The following PPP3CA variants were observed in gnomAD, a reference collection of about 807,000 sequenced individuals.
The protein encoded by PPP3CA is protein phosphatase 3 catalytic subunit alpha.
PPP3CA carries 14 observed loss-of-function variants against 66.5 expected under a neutral mutation model. That is an observed-to-expected ratio of 0.21 (90% CI 0.14 to 0.33). PPP3CA has a LOEUF of 0.33. Ranked by LOEUF, PPP3CA falls within the 10% of genes least tolerant of loss-of-function variation. The pLI, the probability that PPP3CA is intolerant of heterozygous loss-of-function variation, is 1.00. For missense variants in PPP3CA, 317 were observed against 639.5 expected (o/e 0.50, Z 5.44); for synonymous variants, 232 against 226.2 (o/e 1.03, Z -0.23).
At chr4:101,121,958 T>C (rs556452041) in intron 2 of PPP3CA, among the ~76,000 whole-genome samples, 1 of 152,240 alleles carries the variant, frequency 6.6e-6, no homozygotes, top group Admixed American at 6.5e-5. Flanking sequence ...AAATGTGAAC[T>C]GCTAAAACAG....
rs769123247 is a variant in PPP3CA at position 101,098,391 on chromosome 4, A to C, written c.618T>G (p.Ile206Met). ...LCVHGGLSPE[I>M]NTLDDIRKLD... ...CTTTTCTGATATCATCTAAAGTGTT[A>C]ATCTCTGGAGACAAACCACCATGCA... Residue 206 changes from isoleucine to methionine, a missense_variant, in exon 5 of 14, where the codon ATT becomes ATG. Ile to Met is a conservative substitution (Grantham distance 10, BLOSUM62 1). This residue lies in a region of PPP3CA where 201 missense variants were observed against 501.4 expected (regional missense o/e 0.40). Coordinates refer to ENST00000394854, the MANE Select transcript of PPP3CA (RefSeq NM_000944.5). The C allele has an allele frequency of 1.9e-6, 3 of 1,608,678 alleles. No individual in the cohort carries two copies. Among genetic ancestry groups the C allele is most frequent in the East Asian group, 2.2e-5 (1 of 44,704 alleles).
intron 1 of PPP3CA, among the ~76,000 whole-genome samples, chr4:101,258,227 A>G (rs1350540715): frequency 2.0e-5 from 3 of 152,134 alleles, no homozygotes; most frequent in African/African-American, 7.2e-5. Flanking sequence ...GGAAAACATC[A>G]CGAAGAAAGT....
chr4:101,249,792 G>A (rs1726614185), intron 1 of PPP3CA, among the ~76,000 whole-genome samples: 1 of 152,036 alleles, frequency 6.6e-6, no homozygotes, highest in Non-Finnish European at 1.5e-5. Context: ...ATTATATCAT[G>A]TTTTAATATG....
chr4:101,118,479 C>G (rs1156412602), intron 2 of PPP3CA, among the ~76,000 whole-genome samples: 2 of 148,358 alleles, frequency 1.3e-5, no homozygotes, highest in African/African-American at 2.6e-5. Flanking sequence ...CACTTATTAT[C>G]ACAAGGGTTT....
intron 1 of PPP3CA, among the ~76,000 whole-genome samples, chr4:101,337,733 T>C (rs1729678322): frequency 6.6e-6 from 1 of 152,242 alleles, no homozygotes; most frequent in Admixed American, 6.5e-5. Flanking sequence ...TGGCTTTCTT[T>C]AACCAGAAGT....
chr4:101,107,637 C>G (rs1286696242), intron 3 of PPP3CA, among the ~76,000 whole-genome samples: 2 of 152,186 alleles, frequency 1.3e-5, no homozygotes, highest in African/African-American at 4.8e-5. Context: ...ATAAACTTTT[C>G]TGTGTCTGCG....
intron 2 of PPP3CA, among the ~76,000 whole-genome samples, chr4:101,186,592 T>A (rs1724416573): frequency 6.6e-6 from 1 of 152,176 alleles, no homozygotes; most frequent in African/African-American, 2.4e-5. Flanking sequence ...TTTCATTTTC[T>A]TCTTTCTAAT....
chr4:101,312,930 T>C (rs964507895), intron 1 of PPP3CA, among the ~76,000 whole-genome samples: 1 of 152,118 alleles, frequency 6.6e-6, no homozygotes, highest in African/African-American at 2.4e-5. Flanking sequence ...AAAAAATACA[T>C]AAAAAGCACT....
At chr4:101,287,969 C>T (rs536537786) in intron 1 of PPP3CA, among the ~76,000 whole-genome samples, 2 of 152,118 alleles carry the variant, frequency 1.3e-5, no homozygotes, top group African/African-American at 4.8e-5. Context: ...TTGACCCAAC[C>T]GTTTAAGTCA....
At chr4:101,291,468 A>G (rs1728024969) in intron 1 of PPP3CA, among the ~76,000 whole-genome samples, 1 of 147,590 alleles carries the variant, frequency 6.8e-6, no homozygotes, top group Non-Finnish European at 1.5e-5. Flanking sequence ...CTCCACTCCA[A>G]GCCTCAATTA....
chr4:101,137,285 T>A (rs985022893), intron 2 of PPP3CA, among the ~76,000 whole-genome samples: 6 of 152,096 alleles, frequency 3.9e-5, no homozygotes, highest in Non-Finnish European at 8.8e-5. Flanking sequence ...CTAGGATTAT[T>A]TCATCCCAAA....
At chr4:101,108,628 T>C (rs1721528187) in intron 3 of PPP3CA, among the ~76,000 whole-genome samples, 1 of 152,068 alleles carries the variant, frequency 6.6e-6, no homozygotes, top group Non-Finnish European at 1.5e-5. Context: ...TAACTGGGCA[T>C]GGTGGTGGGC....
chr4:101,106,465 GAAAAGA>G lies in PPP3CA; in HGVS notation c.384+2483_384+2488del, dbSNP rs1560605259. Among the ~76,000 whole-genome samples the G allele has an allele frequency of 1.2e-3, 52 of 42,148 alleles. 14 individuals carry two copies. Among genetic ancestry groups the G allele is most frequent in the African/African-American group, 6.4e-3 (30 of 4,710 alleles). 27.7% of individuals were successfully genotyped at this position (42,148 alleles called of 152,430 possible). ...AGAAAGAAAGAAAGAGAAAAGAAAA[GAAAAGA>G]AAAGAAAAGAAAAGAAAAGAAAAGA... On this transcript the variant is annotated intron_variant, in intron 3 of 13. Transcript: ENST00000394854.
At chr4:101,066,218 A>G (rs539963231) in intron 8 of PPP3CA, among the ~76,000 whole-genome samples, 1 of 152,238 alleles carries the variant, frequency 6.6e-6, no homozygotes, top group Admixed American at 6.6e-5. Flanking sequence ...GTGTCTATCA[A>G]GTTTTGGACA....
intron 1 of PPP3CA, among the ~76,000 whole-genome samples, chr4:101,316,700 G>A (rs1287613195): frequency 6.6e-6 from 1 of 152,172 alleles, no homozygotes. Context: ...TCTGAGAGTT[G>A]CCTGAATAGC....
chr4:101,172,116 A>G (rs1334472972), intron 2 of PPP3CA, among the ~76,000 whole-genome samples: 1 of 152,172 alleles, frequency 6.6e-6, no homozygotes, highest in Non-Finnish European at 1.5e-5. Context: ...CATCATATCC[A>G]GAGTACCGCT....
At chr4:101,284,027 T>C (rs1348535929) in intron 1 of PPP3CA, among the ~76,000 whole-genome samples, 1 of 152,218 alleles carries the variant, frequency 6.6e-6, no homozygotes, top group Non-Finnish European at 1.5e-5. Context: ...TAGTCACATA[T>C]GACTATTGAC....
At chr4:101,333,545 T>C (rs1375387006) in intron 1 of PPP3CA, among the ~76,000 whole-genome samples, 2 of 152,078 alleles carry the variant, frequency 1.3e-5, no homozygotes, top group Non-Finnish European at 2.9e-5. Context: ...CAAAGACTTA[T>C]TGACACTGAA....
chr4:101,261,298 T>C (rs1727001927), intron 1 of PPP3CA, among the ~76,000 whole-genome samples: 2 of 152,060 alleles, frequency 1.3e-5, no homozygotes. Context: ...ATAGTCAGTT[T>C]TCAATCACAG....
Sources: allele counts gnomAD v4.1 joint callset (sites outside exome capture counted in the v4.1 genomes callset), GRCh38; gene constraint gnomAD v4.1.1; regional missense constraint gnomAD v4.1.1; transcripts MANE v1.5; gene names NCBI Gene and HGNC (gene_info 2026-07-23, HGNC 2026-07-21).